TMEFF2: variants seen among roughly 807,000 people sequenced by gnomAD.
TMEFF2 encodes the protein tomoregulin-2.
In TMEFF2, 28 loss-of-function variants were observed where a neutral mutation model predicts 53.8. The observed-to-expected ratio is 0.52, with a 90% CI of 0.39 to 0.71. The LOEUF (loss-of-function observed/expected upper bound fraction) is 0.71. TMEFF2 is among the 30% of genes least tolerant of loss of function. TMEFF2 has a pLI of 0.00. For synonymous variants in TMEFF2, 162 were observed against 166.3 expected (o/e 0.97, Z 0.20); for missense variants, 353 against 455.2 (o/e 0.78, Z 2.04).
chr2:192,108,795 A>G (rs1689209624), intron 4 of TMEFF2, among the ~76,000 whole-genome samples: 1 of 152,064 alleles, frequency 6.6e-6, no homozygotes, highest in Non-Finnish European at 1.5e-5. Flanking sequence ...CAGAAACAAC[A>G]CAAGTGCCCA....
intron 4 of TMEFF2, among the ~76,000 whole-genome samples, chr2:192,125,822 A>T (rs1193963918): frequency 6.6e-6 from 1 of 152,230 alleles, no homozygotes; most frequent in Non-Finnish European, 1.5e-5. Context: ...GAGCTGAATG[A>T]TGAGAAGACG....
chr2:192,126,987 G>C (rs80298401), intron 4 of TMEFF2, among the ~76,000 whole-genome samples: 1 of 152,110 alleles, frequency 6.6e-6, no homozygotes, highest in South Asian at 2.1e-4. Context: ...ATGTAACTTA[G>C]AACTGATATT....
intron 7 of TMEFF2, among the ~76,000 whole-genome samples, chr2:191,961,518 G>A (rs906887138): frequency 3.4e-5 from 5 of 145,420 alleles, no homozygotes; most frequent in African/African-American, 1.3e-4. Context: ...TACCCTCCCC[G>A]ACTTACTGCC....
chr2:192,130,712 C>T (rs1478310482), intron 4 of TMEFF2, among the ~76,000 whole-genome samples: 3 of 151,980 alleles, frequency 2.0e-5, no homozygotes, highest in African/African-American at 2.4e-5. Flanking sequence ...TATCTCCCTT[C>T]GCTGACTCTC....
chr2:192,075,332 T>TATATATACATAC (rs796267672), intron 4 of TMEFF2, among the ~76,000 whole-genome samples: 4 of 88,146 alleles, frequency 4.5e-5, no homozygotes, highest in African/African-American at 1.6e-4. Context: ...TATATATATA[T>TATATATACATAC]ACATACATAC....
intron 7 of TMEFF2, among the ~76,000 whole-genome samples, chr2:191,964,027 G>A (rs1044689015): frequency 4.6e-5 from 7 of 152,072 alleles, no homozygotes; most frequent in South Asian, 4.2e-4. Flanking sequence ...AATTGCTGTC[G>A]AAGTCAGGGC....
At chr2:192,101,368 GA>G (rs1181139373) in intron 4 of TMEFF2, among the ~76,000 whole-genome samples, 1 of 151,782 alleles carries the variant, frequency 6.6e-6, no homozygotes, top group African/African-American at 2.4e-5. Context: ...ATTAAAAAAT[GA>G]AAAAAACTCT....
At chr2:192,063,550 A>G (rs976262467) in intron 4 of TMEFF2, among the ~76,000 whole-genome samples, 5 of 151,834 alleles carry the variant, frequency 3.3e-5, no homozygotes, top group African/African-American at 1.2e-4. Flanking sequence ...ATGATTTTCT[A>G]TTAATGTCAA....
intron 5 of TMEFF2, among the ~76,000 whole-genome samples, chr2:192,052,657 T>G (rs1687801074): frequency 6.6e-6 from 1 of 152,196 alleles, no homozygotes; most frequent in African/African-American, 2.4e-5. Flanking sequence ...CTTTATAAAT[T>G]ATATTTGGCA....
At chr2:191,988,950 G>A (rs983962907) in intron 7 of TMEFF2, among the ~76,000 whole-genome samples, 16 of 152,026 alleles carry the variant, frequency 1.1e-4, no homozygotes, top group African/African-American at 1.7e-4. Flanking sequence ...CATTAACAAC[G>A]TCACCATAAA....
intron 4 of TMEFF2, among the ~76,000 whole-genome samples, chr2:192,101,204 C>T (rs1159631591): frequency 6.6e-6 from 1 of 152,140 alleles, no homozygotes; most frequent in African/African-American, 2.4e-5. Flanking sequence ...TATGCAGCCT[C>T]CTCAGAGTCT....
At chr2:192,007,450 G>C (rs1334275690) in intron 5 of TMEFF2, among the ~76,000 whole-genome samples, 1 of 152,178 alleles carries the variant, frequency 6.6e-6, no homozygotes, top group African/African-American at 2.4e-5. Flanking sequence ...GAACTGTCTG[G>C]AAAGAAGAGT....
At chr2:192,037,269 AAAATAAAGAAAGAAAGAAAGAAAG>A (rs1454885803) in intron 5 of TMEFF2, 17 of 72,592 alleles carry the variant, frequency 2.3e-4, no homozygotes, top group South Asian at 1.7e-3. Context: ...AAGACTAGCC[AAAATAAAGAAAGAAAGAAAGAAAG>A]AAAGAAAGAA....
chr2:192,033,948 G>C (rs1027286389), intron 5 of TMEFF2, among the ~76,000 whole-genome samples: 1 of 152,030 alleles, frequency 6.6e-6, no homozygotes, highest in Non-Finnish European at 1.5e-5. Context: ...GGCCTAGGTG[G>C]GCAGATCACG....
At chr2:192,077,400 T>A (rs368782396) in intron 4 of TMEFF2, among the ~76,000 whole-genome samples, 12 of 152,200 alleles carry the variant, frequency 7.9e-5, no homozygotes, top group African/African-American at 2.4e-4. Flanking sequence ...TGGTTTTCGA[T>A]ATGAAAAGGA....
At chr2:192,128,273 A>G (rs1041146294) in intron 4 of TMEFF2, among the ~76,000 whole-genome samples, 2 of 152,238 alleles carry the variant, frequency 1.3e-5, no homozygotes, top group Non-Finnish European at 1.5e-5. Flanking sequence ...CTTTTATACT[A>G]TGTAAGAATT....
chr2:192,182,073 T>C (rs1044494391), intron 3 of TMEFF2, among the ~76,000 whole-genome samples: 3 of 151,780 alleles, frequency 2.0e-5, no homozygotes, highest in African/African-American at 4.8e-5. Flanking sequence ...AAAAGTTAAA[T>C]TGACGGTAAG....
intron 5 of TMEFF2, among the ~76,000 whole-genome samples, chr2:192,030,874 C>A (rs1226627704): frequency 6.6e-6 from 1 of 152,146 alleles, no homozygotes; most frequent in African/African-American, 2.4e-5. Flanking sequence ...ATGGTTAATT[C>A]TTCGCCTGCA....
chr2:191,955,126 C>T (rs967209038), intron 8 of TMEFF2, among the ~76,000 whole-genome samples: 15 of 53,732 alleles, frequency 2.8e-4, no homozygotes, highest in African/African-American at 1.3e-3. Flanking sequence ...GAAGACAGCT[C>T]TAGGTGGGGG....
Sources: allele counts gnomAD v4.1 joint callset (sites outside exome capture counted in the v4.1 genomes callset), GRCh38; gene constraint gnomAD v4.1.1; transcripts MANE v1.5; gene names NCBI Gene and HGNC (gene_info 2026-07-23, HGNC 2026-07-21).